ITGAD: variants seen among roughly 807,000 people sequenced by gnomAD.
ITGAD encodes integrin alpha-D.
ITGAD carries 105 observed loss-of-function variants against 139.0 expected under a neutral mutation model. The observed-to-expected ratio is 0.76, with a 90% CI of 0.65 to 0.89. ITGAD has a LOEUF of 0.89. Ranked by LOEUF, ITGAD falls within the 40% of genes least tolerant of loss-of-function variation. The pLI is 0.00. For missense variants in ITGAD, 1,384 were observed against 1,487.3 expected, an observed-to-expected ratio of 0.93 and a Z score of 1.14; for synonymous variants, 569 against 598.3, an observed-to-expected ratio of 0.95 and a Z score of 0.71.
rs773732427 is a variant in ITGAD, at chr16:31,393,440, G to T, written c.31+49G>T. 4 of 1,598,442 alleles carry T rather than the reference G, an allele frequency of 2.5e-6. No homozygotes were observed. The East Asian group carries it at 8.9e-5, about 36-fold the overall frequency. On this transcript the variant is annotated intron_variant, in intron 1 of 29. Coordinates refer to ENST00000389202, the MANE Select transcript of ITGAD (RefSeq NM_005353.3). ...GAGAAGCTTGGAGGAGTTCTGAGGG[G>T]ACTCCATCTGGGAGGGCAGGCTGGG...
At chr16:31,414,770 T>C in intron 17 of ITGAD, 90 bp from the exon 18 acceptor site, 1 of 1,565,894 alleles carries the variant, frequency 6.4e-7, no homozygotes, top group Non-Finnish European at 8.7e-7. Context: ...GGGAGCACTG[T>C]CAGGGCAGTG....
In ITGAD at chr16:31,418,307, T is replaced by G; in HGVS notation, c.2623T>G (p.Phe875Val). Residue 875 changes from phenylalanine (F) to valine (V), a missense_variant, in exon 22 of 30, where the codon TTC (phenylalanine) becomes GTC (valine). Phe to Val is a conservative substitution (Grantham distance 50). Coordinates refer to ENST00000389202, the MANE Select transcript of ITGAD (RefSeq NM_005353.3). ...PIFHEGSNGT[F>V]IVTFDVSYKA... ...TTCCTTCTTCTTCCCTCAGGGCACC[T>G]TCATAGTCACATTCGATGTCTCCTA... 1 of 1,613,948 alleles carries G rather than the reference T, an allele frequency of 6.2e-7. No homozygotes were observed. Among genetic ancestry groups the G allele is most frequent in the Non-Finnish European group, 8.5e-7 (1 of 1,179,866 alleles).
intron 16 of ITGAD, among the ~76,000 whole-genome samples, chr16:31,413,917 C>T (rs920795936): frequency 6.6e-6 from 1 of 152,216 alleles, no homozygotes; most frequent in Non-Finnish European, 1.5e-5. Flanking sequence ...CTCCTTAGAA[C>T]CACAGGAGAG....
At chr16:31,395,942 GC>G (rs2081255233) in intron 2 of ITGAD, among the ~76,000 whole-genome samples, 1 of 152,090 alleles carries the variant, frequency 6.6e-6, no homozygotes, top group Non-Finnish European at 1.5e-5. Flanking sequence ...CAGGCACCAG[GC>G]TTTTGTTTTT....
chr16:31,402,373 A>C (rs1322588309), intron 6 of ITGAD, 128 bp downstream of exon 6: 7 of 859,850 alleles, frequency 8.1e-6, no homozygotes, highest in Non-Finnish European at 1.3e-5. Context: ...GAATGAAGCT[A>C]TGGTCCCAGC....
At position 31,397,426 on chromosome 16, in the gene ITGAD, G is replaced by A. The variant is rs1280652389; in HGVS notation, c.205G>A (p.Ala69Thr). 1 of 1,602,062 alleles carries A rather than the reference G, an allele frequency of 6.2e-7. No individual in the cohort carries two copies. The highest frequency in any genetic ancestry group is 2.3e-5 in the East Asian group (1 of 44,296). Reference sequence around the variant, plus strand: ...GACGGGACGGCTGTATGACTGCGCAGCTGCCACCGGCATGTGCCAGCCCAT... The same window carrying A: ...GACGGGACGGCTGTATGACTGCGCAACTGCCACCGGCATGTGCCAGCCCAT... ...NQTGRLYDCA[A>T]ATGMCQPIPL... The change falls in exon 3 of 30, where the codon GCT becomes ACT. Residue 69 changes from alanine to threonine, a missense_variant. Coordinates refer to ENST00000389202, the MANE Select transcript of ITGAD (RefSeq NM_005353.3).
chr16:31,412,556 G>A (rs1022552931), intron 14 of ITGAD, among the ~76,000 whole-genome samples: 3 of 152,132 alleles, frequency 2.0e-5, no homozygotes, highest in Non-Finnish European at 4.4e-5. Context: ...CCACGGCCTC[G>A]TGGCTCATAC....
chr16:31,402,781 T>G (rs1260768581), intron 6 of ITGAD: 1 of 152,224 alleles, frequency 6.6e-6, no homozygotes, highest in African/African-American at 2.4e-5. Context: ...TTTTAAAAAT[T>G]TTTATTGTAG....
At chr16:31,397,517 C>T in intron 3 of ITGAD, 55 bp downstream of exon 3, 1 of 1,583,172 alleles carries the variant, frequency 6.3e-7, no homozygotes, top group Non-Finnish European at 8.6e-7. Flanking sequence ...CAACTGTGCC[C>T]CCGCTTAGCT....
chr16:31,423,753 A>C (rs112423560), intron 26 of ITGAD, 92 bp from the exon 27 acceptor site: 65,688 of 1,530,218 alleles, frequency 0.043, 1,654 homozygotes, highest in Middle Eastern at 0.061. Flanking sequence ...GTAACTGCTC[A>C]TCTGTTCCCC....
intron 16 of ITGAD, among the ~76,000 whole-genome samples, chr16:31,413,747 G>A (rs893885279): frequency 2.0e-5 from 3 of 152,076 alleles, no homozygotes; most frequent in East Asian, 1.9e-4. Flanking sequence ...CACGCTTTTC[G>A]TAAATGCACC....
At chr16:31,425,161 T>C (rs193048068) in intron 29 of ITGAD, among the ~76,000 whole-genome samples, 55 of 152,280 alleles carry the variant, frequency 3.6e-4, no homozygotes, top group African/African-American at 1.2e-3. Context: ...AACCTCCACC[T>C]CCTAGGTTCA....
intron 5 of ITGAD, among the ~76,000 whole-genome samples, chr16:31,399,426 G>A (rs555288404): frequency 6.6e-6 from 1 of 152,304 alleles, no homozygotes; most frequent in Admixed American, 6.5e-5. Flanking sequence ...GGCCGCTCAG[G>A]GTGCTGACCG....
chr16:31,397,759 G>A (rs2081307022), intron 4 of ITGAD, 36 bp from the exon 5 acceptor site: 1 of 1,599,450 alleles, frequency 6.3e-7, no homozygotes. Flanking sequence ...AGGAGGGGCT[G>A]CTAGGGACTC....
intron 5 of ITGAD, among the ~76,000 whole-genome samples, chr16:31,399,361 T>C (rs1185701215): frequency 1.3e-5 from 2 of 152,190 alleles, no homozygotes; most frequent in African/African-American, 2.4e-5. Flanking sequence ...ATGCTGGGAC[T>C]GGGAGGAAGA....
At position 31,410,430 on chromosome 16, in the gene ITGAD, C is replaced by A. The variant is rs562967775; in HGVS notation, c.1119C>A (p.Ser373Arg). The change falls in exon 11 of 30, where the codon AGC becomes AGA. Residue 373 changes from serine to arginine, a missense_variant. Physicochemically the swap from Ser to Arg is moderately radical, Grantham distance 110. Transcript: ENST00000389202. ...TCCTGGGGGCTGTGGGGAGCTTTAG[C>A]TGGTCTGGAGGTGCCTTCCTGTATC... ...GLFLGAVGSF[S>R]WSGGAFLYPP... is the part of the protein sequence containing the mutation. 13 of 1,613,962 alleles carry A rather than the reference C, an allele frequency of 8.1e-6. No individual in the cohort carries two copies. Among genetic ancestry groups the A allele is most frequent in the African/African-American group, 6.7e-5 (5 of 74,984 alleles).
chr16:31,412,395 T>A (rs1298283165), intron 14 of ITGAD, among the ~76,000 whole-genome samples: 1 of 152,166 alleles, frequency 6.6e-6, no homozygotes. Flanking sequence ...ATTTCTGTCT[T>A]CTGATCCTCT....
At position 31,416,508 on chromosome 16, in the gene ITGAD, G is replaced by A. The variant is rs747909267; in HGVS notation, c.2361G>A (p.Leu787=). 2 of 1,609,162 alleles carry A rather than the reference G, an allele frequency of 1.2e-6. No homozygotes were observed. The highest frequency in any genetic ancestry group is 2.7e-5 in the African/African-American group (2 of 74,874). Residue 787 remains leucine (L), a synonymous_variant, in exon 20 of 30, where the codon CTG becomes CTA. Coordinates refer to ENST00000389202, the MANE Select transcript of ITGAD (RefSeq NM_005353.3). ...CAGCCTCGTCCTTCCCCTTCAGCCTGCAGACCCTGACCGTGGGGAGCTCCC... is the reference window on the plus strand; with the variant it reads ...CAGCCTCGTCCTTCCCCTTCAGCCTACAGACCCTGACCGTGGGGAGCTCCC... The part of the protein sequence containing the change: ...DLGVTLSFSG[L]QTLTVGSSLE...
rs543961219 is a variant in ITGAD, at chr16:31,403,764, C to G, written c.704+119C>G. 11 of 1,306,098 alleles carry G rather than the reference C, an allele frequency of 8.4e-6. No homozygotes were observed. In the East Asian group the frequency reaches 2.6e-4, roughly 31 times the overall value. The allele number at this position is 1,306,098 out of a possible 1,614,324, so 80.9% of individuals were successfully genotyped here. On this transcript the variant is annotated intron_variant, in intron 7 of 29. Coordinates refer to ENST00000389202, the MANE Select transcript of ITGAD (RefSeq NM_005353.3). This position sits in a 1 kb window ranked among gnomAD's most constrained non-coding sequence, Gnocchi z 4.4. Reference sequence around the variant, plus strand: ...TCCAGGGAAAGGGGCTACCAAGGGGCATGTCGGGGCTGCAGGGAGAACCTC... The same window carrying G: ...TCCAGGGAAAGGGGCTACCAAGGGGGATGTCGGGGCTGCAGGGAGAACCTC...
Sources: allele counts gnomAD v4.1 joint callset (sites outside exome capture counted in the v4.1 genomes callset), GRCh38; gene constraint gnomAD v4.1.1; non-coding constraint Gnocchi (gnomAD v3.1); transcripts MANE v1.5; gene names NCBI Gene and HGNC (gene_info 2026-07-23, HGNC 2026-07-21).